Variants in CAMKMT observed in about 807,000 individuals in gnomAD.
The protein encoded by CAMKMT is CaM KMT.
Under a neutral mutation model 48.0 loss-of-function variants are expected in CAMKMT, and 53 were observed. That is an observed-to-expected ratio of 1.10 (90% CI 0.89 to 1.39). CAMKMT has a LOEUF of 1.39. CAMKMT is among the 40% of genes most tolerant of loss of function. The pLI, the probability that CAMKMT is intolerant of heterozygous loss-of-function variation, is 0.00. For missense variants in CAMKMT, 428 were observed against 402.7 expected (o/e 1.06, Z -0.54); for synonymous variants, 165 against 152.3 (o/e 1.08, Z -0.61).
At chr2:44,654,539 G>C (rs1027623138) in intron 3 of CAMKMT, among the ~76,000 whole-genome samples, 1 of 152,108 alleles carries the variant, frequency 6.6e-6, no homozygotes, top group African/African-American at 2.4e-5. Flanking sequence ...GTGAAACAGA[G>C]TCTCACTGTG....
At chr2:44,386,956 A>T (rs1426278149) in intron 2 of CAMKMT, among the ~76,000 whole-genome samples, 1 of 152,120 alleles carries the variant, frequency 6.6e-6, no homozygotes, top group Non-Finnish European at 1.5e-5. Context: ...TCTTGGAGAA[A>T]GTTCCATGTG....
chr2:44,673,155 G>A (rs895936240), intron 3 of CAMKMT, among the ~76,000 whole-genome samples: 2 of 152,210 alleles, frequency 1.3e-5, no homozygotes, highest in East Asian at 1.9e-4. Flanking sequence ...GCTGGGCGAC[G>A]TGGCTCATGC....
intron 3 of CAMKMT, among the ~76,000 whole-genome samples, chr2:44,642,110 T>C (rs1027694052): frequency 1.3e-5 from 2 of 152,248 alleles, no homozygotes; most frequent in South Asian, 2.1e-4. Flanking sequence ...GTAATGAATA[T>C]GCTATTTTAT....
At chr2:44,534,468 A>T (rs1480842404) in intron 3 of CAMKMT, among the ~76,000 whole-genome samples, 1 of 152,172 alleles carries the variant, frequency 6.6e-6, no homozygotes, top group Non-Finnish European at 1.5e-5. Flanking sequence ...ATTCTGCAGG[A>T]TAGAACATAT....
At chr2:44,549,884 G>T in intron 3 of CAMKMT, 1 of 339,038 alleles carries the variant, frequency 2.9e-6, no homozygotes, top group Non-Finnish European at 5.3e-6. Context: ...GTTATGTGAA[G>T]AGTGTCTTTA....
Position 44,671,199 on chromosome 2 carries a change from T to C in CAMKMT, c.377-33084T>C, listed in dbSNP as rs186354808. ...AACTCATTGTCCTTCCATGCTCCAG[T>C]ACCTAGTCTCCTTCCCCAAAATCCT... On this transcript the variant is annotated intron_variant, in intron 3 of 10. Transcript: ENST00000378494. 2.7e-3 allele frequency among the ~76,000 whole-genome samples: 418 copies of C among 152,292 alleles called. 3 individuals carry two copies. The highest frequency in any genetic ancestry group is 9.5e-3 in the African/African-American group (394 of 41,550).
In CAMKMT at chr2:44,434,086, G is replaced by A. The variant is rs1442941585; in HGVS notation, c.376+43781G>A. Among the ~76,000 whole-genome samples the A allele has an allele frequency of 3.9e-5, 6 of 152,120 alleles. No individual in the cohort carries two copies. The East Asian group carries it at 7.7e-4, about 19-fold the overall frequency. On this transcript the variant is annotated intron_variant, in intron 3 of 10. Transcript: ENST00000378494. Reference sequence around the variant, plus strand: ...GAATAGTCCTCCTTTGTGTCCACACGTATTTCACAAAGAAAAGATGCTGCT... The same window carrying A: ...GAATAGTCCTCCTTTGTGTCCACACATATTTCACAAAGAAAAGATGCTGCT...
intron 3 of CAMKMT, among the ~76,000 whole-genome samples, chr2:44,395,950 G>T (rs1224600977): frequency 6.6e-6 from 1 of 151,994 alleles, no homozygotes; most frequent in Non-Finnish European, 1.5e-5. Flanking sequence ...AATATTTTTA[G>T]AATAAAGTGT....
chr2:44,398,018 ATT>A (rs199726329), intron 3 of CAMKMT, among the ~76,000 whole-genome samples: 1 of 152,086 alleles, frequency 6.6e-6, no homozygotes, highest in Non-Finnish European at 1.5e-5. Flanking sequence ...AAGTCTTTTT[ATT>A]TTTCCCCCGA....
intron 3 of CAMKMT, among the ~76,000 whole-genome samples, chr2:44,416,912 G>A (rs186484410): frequency 1.3e-5 from 2 of 151,790 alleles, no homozygotes; most frequent in African/African-American, 4.8e-5. Flanking sequence ...ATTGTGGTGT[G>A]TATCTGTTGT....
intron 6 of CAMKMT, among the ~76,000 whole-genome samples, chr2:44,708,476 G>A (rs972712520): frequency 5.3e-5 from 8 of 151,852 alleles, no homozygotes; most frequent in African/African-American, 1.9e-4. Flanking sequence ...ACACTTGTAT[G>A]CTCTACAGAG....
intron 3 of CAMKMT, among the ~76,000 whole-genome samples, chr2:44,519,267 C>T (rs1418389893): frequency 3.3e-5 from 5 of 152,170 alleles, no homozygotes; most frequent in Admixed American, 1.3e-4. Flanking sequence ...CTTTTTCCCT[C>T]TATACATGTG....
rs560130702 is a variant in CAMKMT, at chr2:44,574,663, C to T, written c.377-129620C>T. On this transcript the variant is annotated intron_variant, in intron 3 of 10. Transcript: ENST00000378494. ...TTTTTTTTGACTGAGGTTGCGTTGACTTATAGAGTAATTTGATAATGAAAT... is the reference window on the plus strand; with the variant it reads ...TTTTTTTTGACTGAGGTTGCGTTGATTTATAGAGTAATTTGATAATGAAAT... 4.6e-5 allele frequency among the ~76,000 whole-genome samples: 7 copies of T among 150,906 alleles called. No individual in the cohort carries two copies. In the East Asian group the frequency reaches 1.4e-3, roughly 29 times the overall value.
chr2:44,623,911 G>A (rs1672335382), intron 3 of CAMKMT, among the ~76,000 whole-genome samples: 2 of 152,128 alleles, frequency 1.3e-5, no homozygotes, highest in South Asian at 2.1e-4. Flanking sequence ...TTTTATGGAT[G>A]CCTTTTTTCC....
At chr2:44,762,383 T>C (rs995311054) in intron 9 of CAMKMT, among the ~76,000 whole-genome samples, 4 of 152,230 alleles carry the variant, frequency 2.6e-5, no homozygotes, top group Non-Finnish European at 5.9e-5. Flanking sequence ...TGGTATTTAA[T>C]AGTTTGGTTG....
chr2:44,408,025 CTTTTTT>C (rs58443811), intron 3 of CAMKMT, among the ~76,000 whole-genome samples: 2 of 105,270 alleles, frequency 1.9e-5, no homozygotes, highest in Admixed American at 9.7e-5. Context: ...TAGAGCATGT[CTTTTTT>C]TTTTTTTTTT....
chr2:44,537,875 C>T (rs987169641), intron 3 of CAMKMT, among the ~76,000 whole-genome samples: 1 of 152,132 alleles, frequency 6.6e-6, no homozygotes, highest in Non-Finnish European at 1.5e-5. Context: ...TTAGTACAAC[C>T]TCTATGGAAA....
rs557926373 is a variant in CAMKMT, at chr2:44,366,773, G to A, written c.138+4628G>A. 6.6e-5 allele frequency among the ~76,000 whole-genome samples: 10 copies of A among 152,196 alleles called. No homozygotes were observed. In the South Asian group the frequency reaches 1.0e-3, roughly 16 times the overall value. On this transcript the variant is annotated intron_variant, in intron 1 of 10. Coordinates refer to ENST00000378494, the MANE Select transcript of CAMKMT (RefSeq NM_024766.5). Reference sequence around the variant, plus strand: ...GTCTCACTCCATCATCCAGGCTGAAGTGCAGCAGTGTGATCTCGGCTCACT... The same window carrying A: ...GTCTCACTCCATCATCCAGGCTGAAATGCAGCAGTGTGATCTCGGCTCACT...
At chr2:44,384,452 T>A (rs1680566981) in intron 2 of CAMKMT, among the ~76,000 whole-genome samples, 1 of 152,032 alleles carries the variant, frequency 6.6e-6, no homozygotes, top group African/African-American at 2.4e-5. Context: ...TGACTGTTCC[T>A]TTTGCTGTAC....
Sources: gnomAD v4.1 joint callset for allele counts (sites outside exome capture counted in the v4.1 genomes callset) on GRCh38, gnomAD v4.1.1 for gene constraint, MANE v1.5 for transcripts, NCBI Gene and HGNC (gene_info 2026-07-23, HGNC 2026-07-21) for gene names.